RIT1: variants seen among roughly 807,000 people sequenced by gnomAD.
The protein encoded by RIT1 is Ras like without CAAX 1.
RIT1 carries 6 observed loss-of-function variants against 25.6 expected under a neutral mutation model. The ratio of observed to expected loss-of-function variants is 0.23; its 90% CI spans 0.13 to 0.46. The LOEUF (loss-of-function observed/expected upper bound fraction) is 0.46, where lower values mean the gene tolerates loss of function less well. RIT1 is among the 20% of genes least tolerant of loss of function. The pLI is 0.99. For synonymous variants in RIT1, 81 were observed against 94.1 expected, an observed-to-expected ratio of 0.86 and a Z score of 0.80; for missense variants, 219 against 284.4, an observed-to-expected ratio of 0.77 and a Z score of 1.65.
intron 3 of RIT1, among the ~76,000 whole-genome samples, chr1:155,907,561 T>C (rs530400697): frequency 2.3e-4 from 35 of 152,356 alleles, no homozygotes; most frequent in East Asian, 9.6e-4. Flanking sequence ...CGGCCTTGTA[T>C]GCTTTTATAT....
At chr1:155,903,551 T>C (rs974227095) in intron 5 of RIT1, among the ~76,000 whole-genome samples, 2 of 151,898 alleles carry the variant, frequency 1.3e-5, no homozygotes, top group African/African-American at 4.8e-5. Flanking sequence ...CCATAATTGA[T>C]ACATCTAATT....
chr1:155,899,035 C>A lies in RIT1; in HGVS notation c.*1353G>T. The A allele has an allele frequency of 9.5e-6, 2 of 209,576 alleles. No homozygotes were observed. The highest frequency in any genetic ancestry group is 9.7e-6 in the Non-Finnish European group (1 of 103,004). 13.0% of individuals were successfully genotyped at this position (209,576 alleles called of 1,614,324 possible). A position where few individuals can be genotyped will look rare whatever the true frequency, so the allele number is the denominator to read the frequency against. ...CTTCAGTGACACTTAATATTCAATA[C>A]ATGATGCATTACTCTTAGCATTTTT... is the stretch of plus-strand genomic sequence containing the variant. On this transcript the variant is annotated 3_prime_UTR_variant, in exon 6 of 6. Coordinates refer to ENST00000368323, the MANE Select transcript of RIT1 (RefSeq NM_006912.6).
At chr1:155,906,347 A>G (rs1199038974) in intron 3 of RIT1, among the ~76,000 whole-genome samples, 1 of 152,150 alleles carries the variant, frequency 6.6e-6, no homozygotes, top group Non-Finnish European at 1.5e-5. Context: ...CTCTTCCTCA[A>G]AGATGAAGAG....
At chr1:155,910,968 C>CG (rs1673585573) in intron 1 of RIT1, 164 bp from the exon 2 acceptor site, 3 of 1,389,258 alleles carry the variant, frequency 2.2e-6, no homozygotes, top group Middle Eastern at 2.0e-4. Context: ...AAGAAACCCC[C>CG]CCATCTTCAC....
rs1209662027 is a variant in RIT1 at position 155,899,327 on chromosome 1, A to C, written c.*1061T>G. 7 of 219,638 alleles carry C rather than the reference A, an allele frequency of 3.2e-5. No individual in the cohort carries two copies. Among genetic ancestry groups the C allele is most frequent in the Non-Finnish European group, 5.5e-5 (6 of 109,180 alleles). The allele number at this position is 219,638 out of a possible 1,614,324, so 13.6% of individuals were successfully genotyped here. ...CTTTAAGACTGACCCATTCAACAGA[A>C]ATAGCAGATTTTCTCAGAGCACTGA... On this transcript the variant is annotated 3_prime_UTR_variant, in exon 6 of 6. Transcript: ENST00000368323.
chr1:155,902,928 C>G (rs932644022), intron 5 of RIT1, among the ~76,000 whole-genome samples: 1 of 149,842 alleles, frequency 6.7e-6, no homozygotes, highest in Non-Finnish European at 1.5e-5. Flanking sequence ...TTTGGGAGGC[C>G]GAGGTGGGAA....
Position 155,898,543 on chromosome 1 carries a change from A to ATATATATATATATATATATATC in RIT1, c.*1844_*1845insGATATATATATATATATATATA, listed in dbSNP as rs1425257922. 1 of 102,686 alleles carries ATATATATATATATATATATATC rather than the reference A, an allele frequency of 9.7e-6. No homozygotes were observed. The highest frequency in any genetic ancestry group is 3.6e-5 in the African/African-American group (1 of 27,908). 6.4% of individuals were successfully genotyped at this position (102,686 alleles called of 1,614,324 possible). ...AATATATATATATATATATATATAT[A>ATATATATATATATATATATATC]TCTCTTAATGTTAATAACAATTCCC... On this transcript the variant is annotated 3_prime_UTR_variant, in exon 6 of 6. Coordinates refer to ENST00000368323, the MANE Select transcript of RIT1 (RefSeq NM_006912.6).
rs1296569840 is a variant in RIT1, at chr1:155,899,473, G to C, written c.*915C>G. ...CCGAAAAAACATCTTGCCAGCTGTA[G>C]CTCTTTTACAGAGCACAAAGTGGGA... On this transcript the variant is annotated 3_prime_UTR_variant, in exon 6 of 6. Coordinates refer to ENST00000368323, the MANE Select transcript of RIT1 (RefSeq NM_006912.6). 4.5e-6 allele frequency: 1 copy of C among 224,610 alleles called. No individual in the cohort carries two copies. The highest frequency in any genetic ancestry group is 6.4e-5 in the East Asian group (1 of 15,548). The allele number at this position is 224,610 out of a possible 1,614,324, so 13.9% of individuals were successfully genotyped here. A position where few individuals can be genotyped will look rare whatever the true frequency, so the allele number is the denominator to read the frequency against.
At chr1:155,907,818 C>T (rs1242085348) in intron 3 of RIT1, among the ~76,000 whole-genome samples, 3 of 152,204 alleles carry the variant, frequency 2.0e-5, no homozygotes, top group Non-Finnish European at 4.4e-5. Context: ...TGGCCGGATG[C>T]GGTGGCTCAC....
At chr1:155,910,888 A>G (rs1157733159) in intron 1 of RIT1, 84 bp from the exon 2 acceptor site, 2 of 1,573,722 alleles carry the variant, frequency 1.3e-6, no homozygotes, top group Admixed American at 1.9e-5. Context: ...CTTTCCATAC[A>G]TATTCTGGCC....
At chr1:155,910,262 C>A in intron 3 of RIT1, 188 bp downstream of exon 3, 1 of 589,142 alleles carries the variant, frequency 1.7e-6, no homozygotes, top group Non-Finnish European at 3.0e-6. Flanking sequence ...CTAAAGATGG[C>A]TTATGACATA....
Position 155,910,801 on chromosome 1 carries a change from C to T in RIT1, c.-40G>A, listed in dbSNP as rs755188426. The T allele has an allele frequency of 5.0e-6, 8 of 1,614,094 alleles. No homozygotes were observed. Among genetic ancestry groups the T allele is most frequent in the Non-Finnish European group, 6.8e-6 (8 of 1,179,960 alleles). On this transcript the variant is annotated 5_prime_UTR_variant, in exon 2 of 6. Transcript: ENST00000368323. Reference sequence around the variant, plus strand: ...CTTCCTCGGTTGCCCCGAGGAAAAGCCACCTAGAAAAGGAGGAGGAAATGC... The same window carrying T: ...CTTCCTCGGTTGCCCCGAGGAAAAGTCACCTAGAAAAGGAGGAGGAAATGC...
chr1:155,899,652 A>C lies in RIT1; in HGVS notation c.*736T>G. On this transcript the variant is annotated 3_prime_UTR_variant, in exon 6 of 6. Transcript: ENST00000368323. ...ATGTCTACCTTTGAAGGTAAAAAAA[A>C]AAAGAAAACCCTGAAATGAAGAGTA... 2 of 226,146 alleles carry C rather than the reference A, an allele frequency of 8.8e-6. No individual in the cohort carries two copies. Among genetic ancestry groups the C allele is most frequent in the Non-Finnish European group, 8.8e-6 (1 of 113,642 alleles). The allele number at this position is 226,146 out of a possible 1,614,324, so 14.0% of individuals were successfully genotyped here. A position where few individuals can be genotyped will look rare whatever the true frequency, so the allele number is the denominator to read the frequency against.
In RIT1 at chr1:155,904,376, G is replaced by T. The variant is rs1295711032; in HGVS notation, c.364C>A (p.Arg122=). 2 of 1,613,772 alleles carry T rather than the reference G, an allele frequency of 1.2e-6. No homozygotes were observed. Among genetic ancestry groups the T allele is most frequent in the Non-Finnish European group, 1.7e-6 (2 of 1,179,878 alleles). ...ACCACAGGTGTATCGTCAGTACGTC[G>T]GACTCGATAAATAAGCTGTTTAAAC... The part of the protein sequence containing the change: ...REFKQLIYRV[R]RTDDTPVVLV... The change falls in exon 5 of 6, where the codon CGA becomes AGA. Residue 122 remains arginine (R), a synonymous_variant. Coordinates refer to ENST00000368323, the MANE Select transcript of RIT1 (RefSeq NM_006912.6).
At position 155,910,777 on chromosome 1, in the gene RIT1, T is replaced by C. The variant is rs1300921231; in HGVS notation, c.-16A>G. The C allele has an allele frequency of 6.2e-7, 1 of 1,614,208 alleles. No individual in the cohort carries two copies. Among genetic ancestry groups the C allele is most frequent in the Admixed American group, 1.7e-5 (1 of 60,016 alleles). On this transcript the variant is annotated 5_prime_UTR_variant, in exon 2 of 6. Transcript: ENST00000368323. ...CAGAATCCATTGTCCTCTTGGGGCC[T>C]TCCTCGGTTGCCCCGAGGAAAAGCC...
chr1:155,910,718 G>A lies in RIT1; in HGVS notation c.44C>T (p.Pro15Leu), dbSNP rs1271650033. 2 of 1,614,222 alleles carry A rather than the reference G, an allele frequency of 1.2e-6. No individual in the cohort carries two copies. The highest frequency in any genetic ancestry group is 2.2e-5 in the East Asian group (1 of 44,888). The change falls in exon 2 of 6, where the codon CCC becomes CTC. Residue 15 changes from proline (P) to leucine (L), a missense_variant. This residue lies in a region of RIT1 where 131 missense variants were observed against 173.6 expected (regional missense o/e 0.75). Coordinates refer to ENST00000368323, the MANE Select transcript of RIT1 (RefSeq NM_006912.6). Reference protein sequence around the residue: ...TRPVGSCCSSPAGLSREYKLV... With the variant: ...TRPVGSCCSSLAGLSREYKLV... ...TTTGTACTCCCGTGAGAGCCCAGCG[G>A]GGCTGCTACAGCAGCTACCAACTGG...
rs1359820866 is a variant in RIT1, at chr1:155,898,593, T to C, written c.*1795A>G. Reference sequence around the variant, plus strand: ...CTAGGTCACTAGTAATAAGAAGCTATGGGCTTTAAACTTAAAAGGTGCTAA... The same window carrying C: ...CTAGGTCACTAGTAATAAGAAGCTACGGGCTTTAAACTTAAAAGGTGCTAA... On this transcript the variant is annotated 3_prime_UTR_variant, in exon 6 of 6. Transcript: ENST00000368323. The C allele has an allele frequency of 2.5e-5, 4 of 162,916 alleles. No individual in the cohort carries two copies. Among genetic ancestry groups the C allele is most frequent in the Admixed American group, 6.8e-5 (1 of 14,610 alleles). 10.1% of individuals were successfully genotyped at this position (162,916 alleles called of 1,614,324 possible). A position where few individuals can be genotyped will look rare whatever the true frequency, so the allele number is the denominator to read the frequency against.
In RIT1 at chr1:155,898,492, T is replaced by TTA. The variant is rs1491498831; in HGVS notation, c.*1895_*1896insTA. On this transcript the variant is annotated 3_prime_UTR_variant, in exon 6 of 6. Coordinates refer to ENST00000368323, the MANE Select transcript of RIT1 (RefSeq NM_006912.6). ...AACATAGTGAAACCTCATCTCTATT[T>TTA]AAAAAAAAAAAAAAAAAAAAAAAAA... The TTA allele has an allele frequency of 2.6e-4, 9 of 34,318 alleles. No individual in the cohort carries two copies. Among genetic ancestry groups the TTA allele is most frequent in the African/African-American group, 8.3e-4 (9 of 10,814 alleles). The allele number at this position is 34,318 out of a possible 1,614,324, so 2.1% of individuals were successfully genotyped here.
intron 2 of RIT1, 74 bp from the exon 3 acceptor site, chr1:155,910,580 A>G: frequency 5.6e-6 from 9 of 1,601,916 alleles, no homozygotes; most frequent in Non-Finnish European, 4.3e-6. Context: ...TTAACATTGC[A>G]AGATAGCAAG....
Sources: gnomAD v4.1 joint callset for allele counts (sites outside exome capture counted in the v4.1 genomes callset) on GRCh38, gnomAD v4.1.1 for gene constraint, gnomAD v4.1.1 regional missense constraint, MANE v1.5 for transcripts, NCBI Gene and HGNC (gene_info 2026-07-23, HGNC 2026-07-21) for gene names.